Variants in RHOBTB1 observed in about 807,000 individuals in gnomAD.
RHOBTB1 encodes the protein Rho related BTB domain containing 1, also known as rho-related BTB domain-containing protein 1.
A neutral mutation model predicts 71.6 loss-of-function variants in RHOBTB1; 40 were observed. The observed-to-expected ratio is 0.56, with a 90% CI of 0.43 to 0.73. The LOEUF (loss-of-function observed/expected upper bound fraction) is 0.73, where lower values mean the gene tolerates loss of function less well. Ranked by LOEUF, RHOBTB1 falls within the 30% of genes least tolerant of loss-of-function variation. RHOBTB1 has a pLI of 0.00. For synonymous variants in RHOBTB1, 319 were observed against 334.9 expected, an observed-to-expected ratio of 0.95 and a Z score of 0.52; for missense variants, 797 against 894.0, an observed-to-expected ratio of 0.89 and a Z score of 1.38.
At chr10:60,861,736 C>T in the RHOBTB1 span, among the ~76,000 whole-genome samples, 1 of 152,142 alleles carries the variant, frequency 6.6e-6, no homozygotes, top group Non-Finnish European at 1.5e-5. Flanking sequence ...ACATCATTCA[C>T]CCATATTACC....
chr10:60,991,293 T>G (rs1420946060), intron 1 of RHOBTB1, among the ~76,000 whole-genome samples: 1 of 152,056 alleles, frequency 6.6e-6, no homozygotes, highest in Non-Finnish European at 1.5e-5. Context: ...ATCCTCAATC[T>G]TCTCACTGGT....
chr10:60,894,069 G>C (rs1471805879), intron 4 of RHOBTB1, among the ~76,000 whole-genome samples: 2 of 152,192 alleles, frequency 1.3e-5, no homozygotes, highest in African/African-American at 2.4e-5. Context: ...TATGTAATGA[G>C]AAGAGTCAAG....
intron 7 of RHOBTB1, among the ~76,000 whole-genome samples, chr10:60,883,833 A>G (rs138242545): frequency 6.6e-6 from 1 of 152,322 alleles, no homozygotes; most frequent in East Asian, 1.9e-4. Flanking sequence ...AGATCAGGAT[A>G]CTAGAGCCAA....
intron 5 of RHOBTB1, among the ~76,000 whole-genome samples, chr10:60,889,416 G>C (rs746346041): frequency 1.6e-4 from 25 of 152,158 alleles, no homozygotes; most frequent in Admixed American, 5.2e-4. Flanking sequence ...AATTTGTGAA[G>C]CTTATCCATA....
rs926622412 is a variant in RHOBTB1, at chr10:60,888,442, C to A, written c.1226G>T (p.Gly409Val). 6.2e-7 allele frequency: 1 copy of A among 1,614,178 alleles called. No individual in the cohort carries two copies. The highest frequency in any genetic ancestry group is 1.3e-5 in the African/African-American group (1 of 75,038). Residue 409 changes from glycine (G) to valine (V), a missense_variant, in exon 6 of 11, where the codon GGC becomes GTC. Physicochemically the swap from Gly to Val is moderately radical, Grantham distance 109. Around this residue, in one of 2 missense-constraint regions of RHOBTB1, gnomAD observed 658 missense variants for 681.5 expected, o/e 0.97. Coordinates refer to ENST00000337910, the MANE Select transcript of RHOBTB1 (RefSeq NM_014836.5). ...VVRMDASVQP[G>V]PFRTLLQFLY... ...AAACTGGAGCAGGGTCCGAAAAGGG[C>A]CTGGCTGGACTGAAGCGTCCATCCT... is the stretch of plus-strand genomic sequence containing the variant.
At chr10:60,924,387 A>C (rs2083743359) in intron 2 of RHOBTB1, among the ~76,000 whole-genome samples, 1 of 152,214 alleles carries the variant, frequency 6.6e-6, no homozygotes. Context: ...ATAGATTTCA[A>C]GACAAAAACT....
chr10:60,996,237 G>A (rs1411233782), intron 1 of RHOBTB1, among the ~76,000 whole-genome samples: 1 of 152,058 alleles, frequency 6.6e-6, no homozygotes, highest in Non-Finnish European at 1.5e-5. Flanking sequence ...TTTCCAACAT[G>A]GGCAGTCTAA....
chr10:60,918,959 T>C (rs2083412196), intron 2 of RHOBTB1, among the ~76,000 whole-genome samples: 1 of 152,158 alleles, frequency 6.6e-6, no homozygotes, highest in Non-Finnish European at 1.5e-5. Context: ...TTGATCAGGC[T>C]GGTCTCAAAC....
At chr10:60,926,686 A>C (rs568497838) in intron 2 of RHOBTB1, among the ~76,000 whole-genome samples, 1 of 152,348 alleles carries the variant, frequency 6.6e-6, no homozygotes, top group Admixed American at 6.5e-5. Context: ...AACATCCTTC[A>C]TGATAAAAAT....
intron 3 of RHOBTB1, 83 bp from the exon 4 acceptor site, chr10:60,911,073 T>C (rs1165940729): frequency 9.5e-7 from 1 of 1,047,288 alleles, no homozygotes; most frequent in Non-Finnish European, 1.5e-6. Context: ...GCACCCTCAG[T>C]GCCATCAATT....
intron 2 of RHOBTB1, among the ~76,000 whole-genome samples, chr10:60,951,249 C>T (rs2085398387): frequency 6.6e-6 from 1 of 152,120 alleles, no homozygotes; most frequent in Non-Finnish European, 1.5e-5. Context: ...ACACCAGTGT[C>T]CTGGAAGGAG....
At chr10:60,892,755 T>C in intron 5 of RHOBTB1, 55 bp downstream of exon 5, 1 of 1,478,244 alleles carries the variant, frequency 6.8e-7, no homozygotes, top group Non-Finnish European at 9.2e-7. Context: ...AGACACCTGC[T>C]GCCTGTAAAT....
chr10:60,908,438 C>G (rs1456921891), intron 4 of RHOBTB1, among the ~76,000 whole-genome samples: 2 of 152,178 alleles, frequency 1.3e-5, no homozygotes, highest in East Asian at 3.8e-4. Flanking sequence ...GTAATTCTCA[C>G]TAAGTACAGT....
intron 2 of RHOBTB1, among the ~76,000 whole-genome samples, chr10:60,930,922 A>AG (rs2084207908): frequency 6.6e-6 from 1 of 151,996 alleles, no homozygotes; most frequent in South Asian, 2.1e-4. Context: ...CCCTTTTTTA[A>AG]GGGGGTTGGG....
At chr10:60,898,421 T>C (rs1190868799) in intron 4 of RHOBTB1, among the ~76,000 whole-genome samples, 1 of 152,176 alleles carries the variant, frequency 6.6e-6, no homozygotes, top group Non-Finnish European at 1.5e-5. Flanking sequence ...GCTGGGAGCA[T>C]GGCAGAGAAA....
Position 60,888,926 on chromosome 10 carries a change from A to G in RHOBTB1, c.742T>C (p.Cys248Arg). Residue 248 changes from cysteine to arginine, a missense_variant, in exon 6 of 11, where the codon TGT (cysteine) becomes CGT (arginine). Coordinates refer to ENST00000337910, the MANE Select transcript of RHOBTB1 (RefSeq NM_014836.5). ...GCTTCATTTGTCCCCATGGAAGGACACTCTGGAATTTTGATGACCGGTGGA... is the reference window on the plus strand; with the variant it reads ...GCTTCATTTGTCCCCATGGAAGGACGCTCTGGAATTTTGATGACCGGTGGA... ...APPPVIKIPE[C>R]PSMGTNEAAC... is the part of the protein sequence containing the mutation. 6.2e-7 allele frequency: 1 copy of G among 1,614,122 alleles called. No homozygotes were observed. The highest frequency in any genetic ancestry group is 8.5e-7 in the Non-Finnish European group (1 of 1,180,020).
chr10:60,899,087 T>C (rs547105957), intron 4 of RHOBTB1, among the ~76,000 whole-genome samples: 1 of 152,316 alleles, frequency 6.6e-6, no homozygotes, highest in South Asian at 2.1e-4. Context: ...AATCAGGCCA[T>C]TTTCCACTCA....
chr10:60,973,856 T>C (rs1589442921), intron 2 of RHOBTB1, among the ~76,000 whole-genome samples: 1 of 152,114 alleles, frequency 6.6e-6, no homozygotes, highest in East Asian at 1.9e-4. Flanking sequence ...TGAAATGAGC[T>C]CCCGATGTAG....
intron 2 of RHOBTB1, among the ~76,000 whole-genome samples, chr10:60,917,326 G>A (rs1490452882): frequency 1.3e-5 from 2 of 151,988 alleles, no homozygotes; most frequent in African/African-American, 4.8e-5. Flanking sequence ...ATCCTACTGT[G>A]GCAGCTCTGT....
Sources: gnomAD v4.1 joint callset for allele counts (sites outside exome capture counted in the v4.1 genomes callset) on GRCh38, gnomAD v4.1.1 for gene constraint, gnomAD v4.1.1 regional missense constraint, MANE v1.5 for transcripts, NCBI Gene and HGNC (gene_info 2026-07-23, HGNC 2026-07-21) for gene names.